The following NDFIP1 variants were observed in gnomAD, a reference collection of about 807,000 sequenced individuals.
The protein encoded by NDFIP1 is NEDD4 family-interacting protein 1.
In NDFIP1, 7 loss-of-function variants were observed where a neutral mutation model predicts 28.8. The observed-to-expected ratio is 0.24, with a 90% CI of 0.14 to 0.46. The LOEUF is 0.46. NDFIP1 is among the 20% of genes least tolerant of loss of function. The pLI, the probability that NDFIP1 is intolerant of heterozygous loss-of-function variation, is 0.99. For synonymous variants in NDFIP1, 92 were observed against 101.0 expected (o/e 0.91, Z 0.53); for missense variants, 194 against 269.1 (o/e 0.72, Z 1.95).
chr5:142,131,136 G>T (rs1033844584), intron 1 of NDFIP1, among the ~76,000 whole-genome samples: 2 of 151,836 alleles, frequency 1.3e-5, no homozygotes, highest in Non-Finnish European at 1.5e-5. Flanking sequence ...TGTATTTTTT[G>T]TAGAGACAGG....
chr5:142,108,942 C>A lies in NDFIP1; in HGVS notation c.-33C>A. The A allele has an allele frequency of 7.0e-7, 1 of 1,425,986 alleles. No individual in the cohort carries two copies. Among genetic ancestry groups the A allele is most frequent in the Non-Finnish European group, 9.2e-7 (1 of 1,091,988 alleles). The allele number at this position is 1,425,986 out of a possible 1,614,324, so 88.3% of individuals were successfully genotyped here. A position where few individuals can be genotyped will look rare whatever the true frequency, so the allele number is the denominator to read the frequency against. On this transcript the variant is annotated 5_prime_UTR_variant, in exon 1 of 8. Transcript: ENST00000253814. ...GCCGCGCCCCTTCAGCTAGCTCGCT[C>A]GCTCGCTCTGCTTCCCTGCTGCCGG...
intron 1 of NDFIP1, among the ~76,000 whole-genome samples, chr5:142,126,734 CCAG>C (rs969839852): frequency 1.3e-5 from 2 of 152,096 alleles, no homozygotes; most frequent in African/African-American, 4.8e-5. Flanking sequence ...AATCCTAGCC[CCAG>C]CTCTGCTATT....
At chr5:142,139,254 A>T (rs185944447) in intron 5 of NDFIP1, among the ~76,000 whole-genome samples, 105 of 152,212 alleles carry the variant, frequency 6.9e-4, no homozygotes, top group African/African-American at 2.4e-3. Flanking sequence ...ATTAACTTGT[A>T]TCAGGTAGGA....
At chr5:142,132,148 G>A (rs1757234126) in intron 2 of NDFIP1, 64 bp from the exon 3 acceptor site, 1 of 1,577,098 alleles carries the variant, frequency 6.3e-7, no homozygotes, top group Non-Finnish European at 8.6e-7. Context: ...GCTAGAGTTA[G>A]TGGAACTCCT....
rs1265483957 is a variant in NDFIP1 at position 142,152,342 on chromosome 5, G to T, written c.*614G>T. On this transcript the variant is annotated 3_prime_UTR_variant, in exon 8 of 8. Coordinates refer to ENST00000253814, the MANE Select transcript of NDFIP1 (RefSeq NM_030571.4). ...AATAAGCATTAATTTTTTATAGCCT[G>T]TATTCACAATTCTGCGGTACCTTAT... 2 of 152,326 alleles carry T rather than the reference G, an allele frequency of 1.3e-5. No individual in the cohort carries two copies. The highest frequency in any genetic ancestry group is 4.8e-5 in the African/African-American group (2 of 41,408). The allele number at this position is 152,326 out of a possible 1,614,324, so 9.4% of individuals were successfully genotyped here. A position where few individuals can be genotyped will look rare whatever the true frequency, so the allele number is the denominator to read the frequency against.
At chr5:142,109,672 T>C (rs1425004944) in intron 1 of NDFIP1, among the ~76,000 whole-genome samples, 1 of 152,132 alleles carries the variant, frequency 6.6e-6, no homozygotes, top group Admixed American at 6.5e-5. Context: ...GTGTGCCGGG[T>C]GTATTTTAAA....
In NDFIP1 at chr5:142,109,259, G is replaced by C. The variant is rs1326417149; in HGVS notation, c.63+222G>C. On this transcript the variant is annotated intron_variant, in intron 1 of 7. Coordinates refer to ENST00000253814, the MANE Select transcript of NDFIP1 (RefSeq NM_030571.4). ...CCAGGTGGGACTCCGGCGGTGGAAA[G>C]TCCTCCTCCCGGCCTCGTTTCCCGC... is the stretch of plus-strand genomic sequence containing the variant. Among the ~76,000 whole-genome samples, 4 of 152,212 alleles carry C rather than the reference G, an allele frequency of 2.6e-5. No homozygotes were observed. The East Asian group carries it at 7.7e-4, about 29-fold the overall frequency.
chr5:142,121,614 T>G (rs898354674), intron 1 of NDFIP1, among the ~76,000 whole-genome samples: 1 of 152,174 alleles, frequency 6.6e-6, no homozygotes, highest in African/African-American at 2.4e-5. Context: ...CCTCAACTCT[T>G]CCATGTTTAA....
In NDFIP1 at chr5:142,153,268, TCA is replaced by T. The variant is rs1484015868; in HGVS notation, c.*1541_*1542del. The T allele has an allele frequency of 6.6e-6, 3 of 456,290 alleles. No individual in the cohort carries two copies. In the Admixed American group the frequency reaches 7.1e-5, roughly 11 times the overall value. The allele number at this position is 456,290 out of a possible 1,614,324, so 28.3% of individuals were successfully genotyped here. A position where few individuals can be genotyped will look rare whatever the true frequency, so the allele number is the denominator to read the frequency against. ...TATGATATCAGCCATTTGATTTTTT[TCA>T]TTTTCTATTTAAGAAATATGAAGAA... On this transcript the variant is annotated 3_prime_UTR_variant, in exon 8 of 8. Coordinates refer to ENST00000253814, the MANE Select transcript of NDFIP1 (RefSeq NM_030571.4).
chr5:142,144,831 G>C (rs1429553912), intron 7 of NDFIP1, among the ~76,000 whole-genome samples, 155 bp downstream of exon 7: 1 of 152,214 alleles, frequency 6.6e-6, no homozygotes, highest in African/African-American at 2.4e-5. Flanking sequence ...TCTAGTAACA[G>C]GGATTTTTAC....
intron 4 of NDFIP1, among the ~76,000 whole-genome samples, chr5:142,137,070 CAAAAAAA>C (rs56227585): frequency 1.1e-5 from 1 of 95,022 alleles, no homozygotes; most frequent in Non-Finnish European, 2.1e-5. Flanking sequence ...GACTCAGTCT[CAAAAAAA>C]AAAAAAAAAA....
intron 1 of NDFIP1, among the ~76,000 whole-genome samples, chr5:142,124,099 G>A (rs1042946875): frequency 5.3e-5 from 8 of 151,984 alleles, no homozygotes; most frequent in Non-Finnish European, 2.9e-5. Flanking sequence ...AAGGCTCTTG[G>A]CTGTAGGTTT....
intron 1 of NDFIP1, among the ~76,000 whole-genome samples, chr5:142,119,516 C>G (rs1160136604): frequency 6.6e-6 from 1 of 152,214 alleles, no homozygotes; most frequent in African/African-American, 2.4e-5. Context: ...ATACATCCTC[C>G]AGCCACCTAA....
At position 142,108,919 on chromosome 5, in the gene NDFIP1, C is replaced by G; in HGVS notation, c.-56C>G. The G allele has an allele frequency of 2.2e-6, 3 of 1,375,014 alleles. No homozygotes were observed. Among genetic ancestry groups the G allele is most frequent in the Non-Finnish European group, 2.8e-6 (3 of 1,060,866 alleles). 85.2% of individuals were successfully genotyped at this position (1,375,014 alleles called of 1,614,324 possible). On this transcript the variant is annotated 5_prime_UTR_variant, in exon 1 of 8. Transcript: ENST00000253814. ...CCCAGCGCTCCCAAGCCGCAGCGGCCGCGCCCCTTCAGCTAGCTCGCTCGC... is the reference window on the plus strand; with the variant it reads ...CCCAGCGCTCCCAAGCCGCAGCGGCGGCGCCCCTTCAGCTAGCTCGCTCGC...
chr5:142,131,417 G>A (rs1222351201), intron 1 of NDFIP1, among the ~76,000 whole-genome samples: 1 of 152,232 alleles, frequency 6.6e-6, no homozygotes, highest in African/African-American at 2.4e-5. Flanking sequence ...TGGGACTATA[G>A]GAGTGTGCCA....
At position 142,154,342 on chromosome 5, in the gene NDFIP1, TG is replaced by T. The variant is rs1357178321; in HGVS notation, c.*2615del. The T allele has an allele frequency of 6.6e-6, 1 of 152,252 alleles. No homozygotes were observed. The highest frequency in any genetic ancestry group is 2.4e-5 in the African/African-American group (1 of 41,372). 9.4% of individuals were successfully genotyped at this position (152,252 alleles called of 1,614,324 possible). On this transcript the variant is annotated 3_prime_UTR_variant, in exon 8 of 8. Transcript: ENST00000253814. ...TGCCATTTGAAACTCTGTACTCTTA[TG>T]TTTAAAGGGTTCTGTATAGCCATTT...
At chr5:142,148,289 C>A (rs1757411205) in intron 7 of NDFIP1, among the ~76,000 whole-genome samples, 1 of 152,170 alleles carries the variant, frequency 6.6e-6, no homozygotes, top group African/African-American at 2.4e-5. Flanking sequence ...AAAAGCTAAA[C>A]ATTAAAGCTC....
rs745772278 is a variant in NDFIP1, at chr5:142,148,777, A to AAAAAG, written c.*3-2954_*3-2953insAAAAG. ...AAAAAAAAAAAAAAAAAAAAAAAAAAGTATGTGACTGAGGAAGCAGAAGAA... is the reference window on the plus strand; with the variant it reads ...AAAAAAAAAAAAAAAAAAAAAAAAAAAAAAGGTATGTGACTGAGGAAGCAGAAGAA... On this transcript the variant is annotated intron_variant, in intron 7 of 7. Coordinates refer to ENST00000253814, the MANE Select transcript of NDFIP1 (RefSeq NM_030571.4). Among the ~76,000 whole-genome samples the AAAAAG allele has an allele frequency of 6.3e-3, 606 of 95,974 alleles. 129 individuals carry two copies. Among genetic ancestry groups the AAAAAG allele is most frequent in the South Asian group, 0.027 (80 of 2,956 alleles). 63.0% of individuals were successfully genotyped at this position (95,974 alleles called of 152,430 possible).
At chr5:142,113,704 A>G (rs1005291656) in intron 1 of NDFIP1, among the ~76,000 whole-genome samples, 12 of 152,158 alleles carry the variant, frequency 7.9e-5, no homozygotes, top group African/African-American at 2.7e-4. Context: ...CCATTAAACA[A>G]TAACTCTCCA....
Sources: gnomAD v4.1 joint callset for allele counts (sites outside exome capture counted in the v4.1 genomes callset) on GRCh38, gnomAD v4.1.1 for gene constraint, MANE v1.5 for transcripts, NCBI Gene and HGNC (gene_info 2026-07-23, HGNC 2026-07-21) for gene names.